CACNG7: variants seen among roughly 807,000 people sequenced by gnomAD.
The protein encoded by CACNG7 is voltage-dependent calcium channel gamma-7 subunit.
CACNG7 carries 9 observed loss-of-function variants against 26.3 expected under a neutral mutation model. That is an observed-to-expected ratio of 0.34 (90% CI 0.21 to 0.60). The LOEUF is 0.60. Among genes scored for constraint, CACNG7 ranks in the 20% least tolerant of loss-of-function variants. The pLI is 0.81. For synonymous variants in CACNG7, 170 were observed against 157.0 expected (o/e 1.08, Z -0.62); for missense variants, 297 against 380.4 (o/e 0.78, Z 1.82).
intron 2 of CACNG7, 95 bp from the exon 3 acceptor site, chr19:53,914,405 C>T (rs2068881623): frequency 2.0e-6 from 2 of 993,984 alleles, no homozygotes; most frequent in Non-Finnish European, 3.1e-6. Context: ...CTCCCCCATC[C>T]TGGGGTCTCC....
chr19:53,931,759 C>CTTTTTT (rs776971448), intron 4 of CACNG7, among the ~76,000 whole-genome samples: 2 of 108,744 alleles, frequency 1.8e-5, no homozygotes, highest in Non-Finnish European at 3.7e-5. Flanking sequence ...ACAACGCTGA[C>CTTTTTT]TTTTTTTTTT....
chr19:53,924,288 G>A (rs1180253272), intron 4 of CACNG7, among the ~76,000 whole-genome samples: 6 of 147,882 alleles, frequency 4.1e-5, no homozygotes, highest in Non-Finnish European at 9.0e-5. Flanking sequence ...CTTTCCCCAG[G>A]TCTGGTCATT....
At chr19:53,914,671 A>G in intron 3 of CACNG7, 85 bp downstream of exon 3, 1 of 1,241,714 alleles carries the variant, frequency 8.1e-7, no homozygotes, top group Non-Finnish European at 1.2e-6. Flanking sequence ...GGACTAGGGA[A>G]AGGGTGGGGT....
chr19:53,928,076 GAA>G (rs150682215), intron 4 of CACNG7, among the ~76,000 whole-genome samples: 5 of 78,106 alleles, frequency 6.4e-5, no homozygotes, highest in African/African-American at 3.4e-4. Flanking sequence ...AGGGAGGGGA[GAA>G]AAAGAGAAAG....
chr19:53,924,585 G>GT (rs775584889), intron 4 of CACNG7, among the ~76,000 whole-genome samples: 13 of 142,324 alleles, frequency 9.1e-5, no homozygotes, highest in East Asian at 4.3e-4. Flanking sequence ...GTTGCCCCAG[G>GT]CTGGTCATTG....
chr19:53,909,871 A>G lies in CACNG7; in HGVS notation c.-30+354A>G, dbSNP rs552535777. Reference sequence around the variant, plus strand: ...TGTGGGTCTGGAAAGGGGTCCCAGAAAGGGGGAGTTACGGTCTCCCGAGAG... The same window carrying G: ...TGTGGGTCTGGAAAGGGGTCCCAGAGAGGGGGAGTTACGGTCTCCCGAGAG... On this transcript the variant is annotated intron_variant, in intron 1 of 5. Coordinates refer to ENST00000391767, the MANE Select transcript of CACNG7 (RefSeq NM_031896.5). The surrounding 1 kb of genome is among the most constrained non-coding windows in gnomAD (Gnocchi z 5.1). Among the ~76,000 whole-genome samples the G allele has an allele frequency of 1.3e-5, 2 of 152,164 alleles. No homozygotes were observed. Among genetic ancestry groups the G allele is most frequent in the South Asian group, 4.1e-4 (2 of 4,820 alleles).
chr19:53,921,628 G>C (rs33979687), intron 4 of CACNG7, among the ~76,000 whole-genome samples: 1 of 87,744 alleles, frequency 1.1e-5, no homozygotes. Context: ...GTCATTGGTG[G>C]AGTCGTCCCC....
At chr19:53,921,390 T>C (rs1464364310) in intron 4 of CACNG7, among the ~76,000 whole-genome samples, 3 of 143,728 alleles carry the variant, frequency 2.1e-5, no homozygotes, top group South Asian at 2.2e-4. Flanking sequence ...ATTGGTGGAG[T>C]TGCCCCAGGT....
Position 53,942,646 on chromosome 19 carries a change from C to T in CACNG7, c.*353C>T, listed in dbSNP as rs577807169. On this transcript the variant is annotated 3_prime_UTR_variant, in exon 6 of 6. Transcript: ENST00000391767. The surrounding 1 kb of genome is among the most constrained non-coding windows in gnomAD (Gnocchi z 5.9). ...GAGCAGCCAGAGGCGGTGCAAGCGC[C>T]CAGCTCCCCAGAGCTCCCCAACCTC... is the stretch of plus-strand genomic sequence containing the variant. The T allele has an allele frequency of 4.8e-6, 5 of 1,045,248 alleles. No individual in the cohort carries two copies. The highest frequency in any genetic ancestry group is 7.1e-5 in the South Asian group (2 of 28,300). The allele number at this position is 1,045,248 out of a possible 1,614,324, so 64.7% of individuals were successfully genotyped here. A position where few individuals can be genotyped will look rare whatever the true frequency, so the allele number is the denominator to read the frequency against.
At chr19:53,924,692 G>C (rs540406052) in intron 4 of CACNG7, among the ~76,000 whole-genome samples, 1 of 150,602 alleles carries the variant, frequency 6.6e-6, no homozygotes, top group Admixed American at 6.6e-5. Flanking sequence ...CCCCAGGTCT[G>C]GTATTGGTGG....
At chr19:53,929,356 G>A (rs991383116) in intron 4 of CACNG7, among the ~76,000 whole-genome samples, 18 of 152,046 alleles carry the variant, frequency 1.2e-4, no homozygotes, top group Admixed American at 3.9e-4. Flanking sequence ...TGATTTTTGG[G>A]CTTCCTTCAA....
intron 4 of CACNG7, among the ~76,000 whole-genome samples, chr19:53,919,696 TCTGGTCATTGGTGGAGTTGCCCCAGG>T (rs2068924467): frequency 1.7e-5 from 2 of 114,418 alleles, no homozygotes; most frequent in Non-Finnish European, 3.6e-5. Context: ...TTGCCCCAGG[TCTGGTCATTGGTGGAGTTGCCCCAGG>T]CTGGTCATTG....
chr19:53,928,153 A>G (rs1213839855), intron 4 of CACNG7, among the ~76,000 whole-genome samples: 4 of 152,216 alleles, frequency 2.6e-5, no homozygotes, highest in African/African-American at 9.6e-5. Flanking sequence ...AAAAGCAACG[A>G]TAAGAATGAC....
intron 4 of CACNG7, among the ~76,000 whole-genome samples, chr19:53,920,830 GT>G (rs1302174763): frequency 1.6e-3 from 105 of 66,504 alleles, no homozygotes; most frequent in African/African-American, 4.5e-3. Context: ...TGGTGGAGTT[GT>G]CCCCAGGCCT....
At chr19:53,937,406 T>C (rs75600599) in intron 4 of CACNG7, among the ~76,000 whole-genome samples, 2,504 of 152,234 alleles carry the variant, frequency 0.016, 72 homozygotes, top group African/African-American at 0.057. Flanking sequence ...GAACGTCCAT[T>C]CTCTCAGCCT....
Position 53,942,741 on chromosome 19 carries a change from T to G in CACNG7, c.*448T>G. The G allele has an allele frequency of 4.7e-6, 1 of 211,748 alleles. No homozygotes were observed. The allele number at this position is 211,748 out of a possible 1,614,324, so 13.1% of individuals were successfully genotyped here. On this transcript the variant is annotated 3_prime_UTR_variant, in exon 6 of 6. Transcript: ENST00000391767. The surrounding 1 kb of genome is among the most constrained non-coding windows in gnomAD (Gnocchi z 5.9). ...GCCGTCGGGAATACCGACCATCCTC[T>G]TCTCCCTTCTAACCTGGGCTTCCTT...
intron 4 of CACNG7, among the ~76,000 whole-genome samples, chr19:53,935,562 A>G (rs2069099096): frequency 1.4e-5 from 2 of 147,870 alleles, no homozygotes; most frequent in African/African-American, 5.0e-5. Flanking sequence ...AGCTCAAGTG[A>G]TCCACTCACC....
At chr19:53,935,446 C>T (rs1031816196) in intron 4 of CACNG7, among the ~76,000 whole-genome samples, 1 of 151,594 alleles carries the variant, frequency 6.6e-6, no homozygotes, top group Non-Finnish European at 1.5e-5. Context: ...CCTCAGCCTC[C>T]CAAATAGCTG....
intron 4 of CACNG7, among the ~76,000 whole-genome samples, chr19:53,919,582 TG>T (rs1396417326): frequency 7.1e-6 from 1 of 140,362 alleles, no homozygotes; most frequent in Non-Finnish European, 1.5e-5. Context: ...TTGGTGGACT[TG>T]CCCCAGGCTG....
Sources: gnomAD v4.1 joint callset for allele counts (sites outside exome capture counted in the v4.1 genomes callset) on GRCh38, gnomAD v4.1.1 for gene constraint, Gnocchi (gnomAD v3.1) non-coding constraint, MANE v1.5 for transcripts, NCBI Gene and HGNC (gene_info 2026-07-23, HGNC 2026-07-21) for gene names.